The following PTPRK variants were observed in gnomAD, a reference collection of about 807,000 sequenced individuals.
PTPRK encodes the protein receptor-type tyrosine-protein phosphatase kappa.
Under a neutral mutation model 178.0 loss-of-function variants are expected in PTPRK, and 75 were observed. The observed-to-expected ratio is 0.42, with a 90% confidence interval of 0.35 to 0.51. PTPRK has a LOEUF of 0.51. Ranked by LOEUF, PTPRK falls within the 20% of genes least tolerant of loss-of-function variation. PTPRK has a pLI of 0.02. For missense variants in PTPRK, 1,441 were observed against 1,797.8 expected, an observed-to-expected ratio of 0.80 and a Z score of 3.59; for synonymous variants, 637 against 620.6, an observed-to-expected ratio of 1.03 and a Z score of -0.39.
chr6:128,206,637 T>C (rs1227813182), intron 6 of PTPRK, among the ~76,000 whole-genome samples: 2 of 152,162 alleles, frequency 1.3e-5, no homozygotes, highest in African/African-American at 2.4e-5. Flanking sequence ...TTATGATACA[T>C]TTTTTGTGTT....
At chr6:128,236,578 A>C (rs1418998279) in intron 5 of PTPRK, among the ~76,000 whole-genome samples, 1 of 151,784 alleles carries the variant, frequency 6.6e-6, no homozygotes, top group African/African-American at 2.4e-5. Context: ...CCAACTCCTG[A>C]CCTCATGATC....
intron 1 of PTPRK, among the ~76,000 whole-genome samples, chr6:128,426,614 T>A (rs543657865): frequency 1.1e-4 from 16 of 152,218 alleles, no homozygotes; most frequent in Non-Finnish European, 2.2e-4. Flanking sequence ...ATCTTTAAAA[T>A]CATGTAGGAA....
intron 1 of PTPRK, among the ~76,000 whole-genome samples, chr6:128,483,019 A>G (rs1852297141): frequency 6.6e-6 from 1 of 152,190 alleles, no homozygotes; most frequent in Non-Finnish European, 1.5e-5. Flanking sequence ...GATTCTTAAT[A>G]AAATAAAATT....
intron 12 of PTPRK, among the ~76,000 whole-genome samples, chr6:128,065,391 T>C (rs1781570243): frequency 6.6e-6 from 1 of 152,106 alleles, no homozygotes; most frequent in Admixed American, 6.6e-5. Flanking sequence ...GTATACAAAG[T>C]AGAAGCAGTA....
intron 1 of PTPRK, among the ~76,000 whole-genome samples, chr6:128,439,754 G>A (rs1241553447): frequency 2.0e-5 from 3 of 152,190 alleles, no homozygotes; most frequent in African/African-American, 4.8e-5. Context: ...CTAAACATCT[G>A]AATGGTTCCC....
Position 128,071,383 on chromosome 6 carries a change from T to C in PTPRK, c.1884-3591A>G, listed in dbSNP as rs190156444. Reference sequence around the variant, plus strand: ...TTAAAGTCATCTCTCATACTCCCTTTTGCTTTTACACCCAAACGAAACTGA... The same window carrying C: ...TTAAAGTCATCTCTCATACTCCCTTCTGCTTTTACACCCAAACGAAACTGA... On this transcript the variant is annotated intron_variant, in intron 11 of 29. Coordinates refer to ENST00000368226, the MANE Select transcript of PTPRK (RefSeq NM_002844.4). 3.6e-3 allele frequency among the ~76,000 whole-genome samples: 545 copies of C among 152,156 alleles called. 3 individuals carry two copies. Among genetic ancestry groups the C allele is most frequent in the African/African-American group, 0.012 (513 of 41,554 alleles).
intron 2 of PTPRK, among the ~76,000 whole-genome samples, chr6:128,393,619 A>C (rs1288427741): frequency 2.0e-5 from 3 of 152,168 alleles, no homozygotes; most frequent in Non-Finnish European, 4.4e-5. Context: ...ACAAAGAAAT[A>C]TTTCAGCAGA....
At chr6:128,305,960 G>T (rs1299561089) in intron 3 of PTPRK, among the ~76,000 whole-genome samples, 1 of 152,204 alleles carries the variant, frequency 6.6e-6, no homozygotes, top group Non-Finnish European at 1.5e-5. Flanking sequence ...ATGGCAGAAG[G>T]CAAAGGCGAA....
At chr6:128,511,078 A>G (rs1277228900) in intron 1 of PTPRK, among the ~76,000 whole-genome samples, 3 of 152,202 alleles carry the variant, frequency 2.0e-5, no homozygotes, top group Non-Finnish European at 2.9e-5. Context: ...AGGAAAATAA[A>G]ATAATGGAAA....
At chr6:128,249,703 G>A (rs535410351) in intron 3 of PTPRK, among the ~76,000 whole-genome samples, 26 of 152,220 alleles carry the variant, frequency 1.7e-4, no homozygotes, top group Admixed American at 5.2e-4. Flanking sequence ...TACTGATGTC[G>A]TCAGGAAGAC....
At chr6:128,504,218 A>G (rs919080903) in intron 1 of PTPRK, among the ~76,000 whole-genome samples, 19 of 152,188 alleles carry the variant, frequency 1.2e-4, no homozygotes, top group Non-Finnish European at 2.2e-4. Context: ...GCCTCTGGAA[A>G]GGTAAATGCT....
At chr6:128,287,764 CATTTGACTATTTGCTTTTCCT>C (rs1467122542) in intron 3 of PTPRK, among the ~76,000 whole-genome samples, 1 of 152,174 alleles carries the variant, frequency 6.6e-6, no homozygotes, top group Non-Finnish European at 1.5e-5. Context: ...CAACTCTAAG[CATTTGACTATTTGCTTTTCCT>C]GGATCTCATT....
At chr6:127,988,780 T>G (rs1776259043) in intron 21 of PTPRK, among the ~76,000 whole-genome samples, 1 of 152,056 alleles carries the variant, frequency 6.6e-6, no homozygotes, top group African/African-American at 2.4e-5. Context: ...ATTGATCTTT[T>G]CAATAAACAA....
At chr6:128,316,303 T>C (rs962597715) in intron 3 of PTPRK, among the ~76,000 whole-genome samples, 1 of 152,170 alleles carries the variant, frequency 6.6e-6, no homozygotes, top group Non-Finnish European at 1.5e-5. Flanking sequence ...TCCCCTTAGA[T>C]AAAACAAACT....
At chr6:128,362,284 A>G (rs752584154) in intron 2 of PTPRK, among the ~76,000 whole-genome samples, 2 of 152,130 alleles carry the variant, frequency 1.3e-5, no homozygotes, top group Non-Finnish European at 2.9e-5. Context: ...CTCTCTTACA[A>G]TTGTGAGGAC....
intron 7 of PTPRK, among the ~76,000 whole-genome samples, chr6:128,168,549 C>G (rs1436742220): frequency 6.6e-6 from 1 of 152,016 alleles, no homozygotes; most frequent in Non-Finnish European, 1.5e-5. Flanking sequence ...GGGAGAATCA[C>G]CACCCGAGCA....
chr6:128,495,181 A>T (rs1392835224), intron 1 of PTPRK, among the ~76,000 whole-genome samples: 4 of 152,216 alleles, frequency 2.6e-5, no homozygotes, highest in African/African-American at 9.6e-5. Context: ...GAACTTCAAA[A>T]ATAGCAAAGC....
intron 22 of PTPRK, among the ~76,000 whole-genome samples, chr6:127,985,331 G>A (rs2114642365): frequency 6.6e-6 from 1 of 152,266 alleles, no homozygotes; most frequent in South Asian, 2.1e-4. Flanking sequence ...AACTCTGTAT[G>A]TCTGAAATTT....
At chr6:128,278,652 G>A (rs1821173328) in intron 3 of PTPRK, among the ~76,000 whole-genome samples, 1 of 152,136 alleles carries the variant, frequency 6.6e-6, no homozygotes, top group African/African-American at 2.4e-5. Flanking sequence ...CAAGGCCACT[G>A]GGCTTGGTCT....
Sources: allele counts gnomAD v4.1 joint callset (sites outside exome capture counted in the v4.1 genomes callset), GRCh38; gene constraint gnomAD v4.1.1; transcripts MANE v1.5; gene names NCBI Gene and HGNC (gene_info 2026-07-23, HGNC 2026-07-21).